Variants in RANBP2 observed in about 807,000 individuals in gnomAD.
RANBP2 encodes E3 SUMO-protein ligase RanBP2.
A neutral mutation model predicts 303.6 loss-of-function variants in RANBP2; 57 were observed. The ratio of observed to expected loss-of-function variants is 0.19; its 90% CI spans 0.15 to 0.23. RANBP2 has a LOEUF of 0.23. Ranked by LOEUF, RANBP2 falls within the 10% of genes least tolerant of loss-of-function variation. RANBP2 has a pLI of 1.00. For synonymous variants in RANBP2, 1,167 were observed against 1,301.5 expected, an observed-to-expected ratio of 0.90 and a Z score of 2.23; for missense variants, 3,138 against 3,780.8, an observed-to-expected ratio of 0.83 and a Z score of 4.46.
the RANBP2 span, among the ~76,000 whole-genome samples, chr2:109,465,218 A>G: frequency 6.6e-6 from 1 of 152,210 alleles, no homozygotes; most frequent in Admixed American, 6.5e-5. Context: ...TTATCCATTT[A>G]CTTACCAAAG....
chr2:109,101,136 G>C, the RANBP2 span, among the ~76,000 whole-genome samples: 1 of 152,160 alleles, frequency 6.6e-6, no homozygotes, highest in Non-Finnish European at 1.5e-5. Flanking sequence ...GGAGGCTGCA[G>C]GGAAGTGCAG....
chr2:109,125,258 T>C, the RANBP2 span, among the ~76,000 whole-genome samples: 1 of 152,206 alleles, frequency 6.6e-6, no homozygotes, highest in Non-Finnish European at 1.5e-5. Context: ...GGGGCAGCTT[T>C]TGACTAGCTG....
the RANBP2 span, among the ~76,000 whole-genome samples, chr2:109,115,741 T>C: frequency 6.6e-6 from 1 of 152,372 alleles, no homozygotes; most frequent in East Asian, 1.9e-4. Context: ...GTCTTTACAA[T>C]TTGGCATGAT....
At chr2:109,670,629 C>T in the RANBP2 span, among the ~76,000 whole-genome samples, 5 of 152,174 alleles carry the variant, frequency 3.3e-5, no homozygotes, top group Admixed American at 6.5e-5. Context: ...AGGCTGACCT[C>T]GTTCTGCTGC....
rs1425920795 is a variant in RANBP2, at chr2:108,770,098, G to A, written c.7850-1603G>A. ...TGCGTACAGTTTCTGTGAGCTCTAG[G>A]TTAGGAATCCCTGACCTAAGAATGA... On this transcript the variant is annotated intron_variant, in intron 20 of 28. Transcript: ENST00000283195. Among the ~76,000 whole-genome samples, 4 of 152,168 alleles carry A rather than the reference G, an allele frequency of 2.6e-5. No individual in the cohort carries two copies. In the East Asian group the frequency reaches 7.7e-4, roughly 29 times the overall value.
the RANBP2 span, among the ~76,000 whole-genome samples, chr2:108,851,414 G>A: frequency 6.6e-6 from 1 of 152,104 alleles, no homozygotes; most frequent in Non-Finnish European, 1.5e-5. Context: ...CAATTCTCCT[G>A]CCTCAGCCTC....
the RANBP2 span, among the ~76,000 whole-genome samples, chr2:109,448,943 G>A: frequency 2.9e-4 from 44 of 152,158 alleles, no homozygotes; most frequent in South Asian, 4.1e-4. Flanking sequence ...GTTTTGAGCC[G>A]TGGCAGGGCC....
chr2:109,572,131 T>G, the RANBP2 span, among the ~76,000 whole-genome samples: 3 of 152,102 alleles, frequency 2.0e-5, no homozygotes, highest in African/African-American at 7.2e-5. Flanking sequence ...GCTCCCCACC[T>G]CTTTTTTTTT....
chr2:108,852,945 T>C, the RANBP2 span, among the ~76,000 whole-genome samples: 1 of 152,166 alleles, frequency 6.6e-6, no homozygotes, highest in African/African-American at 2.4e-5. Context: ...AAATATAATG[T>C]GTCACTGAGA....
the RANBP2 span, among the ~76,000 whole-genome samples, chr2:109,738,030 T>C: frequency 6.6e-6 from 1 of 151,758 alleles, no homozygotes; most frequent in Non-Finnish European, 1.5e-5. Flanking sequence ...ATTCTGCAAG[T>C]TGACTCTTTA....
At chr2:109,590,276 G>A in the RANBP2 span, among the ~76,000 whole-genome samples, 1 of 151,824 alleles carries the variant, frequency 6.6e-6, no homozygotes, top group Non-Finnish European at 1.5e-5. Context: ...CGATGCCCCT[G>A]GTGCACACAA....
At chr2:109,267,398 C>T in the RANBP2 span, among the ~76,000 whole-genome samples, 47 of 152,138 alleles carry the variant, frequency 3.1e-4, no homozygotes, top group African/African-American at 1.1e-3. Flanking sequence ...GCTGAGCTTG[C>T]CCGAAGAAAG....
the RANBP2 span, among the ~76,000 whole-genome samples, chr2:109,530,956 AAT>A: frequency 6.6e-5 from 10 of 152,122 alleles, no homozygotes; most frequent in Non-Finnish European, 1.3e-4. Context: ...CGGGAAATGA[AAT>A]AGAGACTCTG....
At chr2:109,558,676 C>CCCAT in the RANBP2 span, among the ~76,000 whole-genome samples, 1 of 152,142 alleles carries the variant, frequency 6.6e-6, no homozygotes, top group South Asian at 2.1e-4. Flanking sequence ...ACTCAGCATA[C>CCCAT]CCATTCAATA....
chr2:109,201,609 G>A, the RANBP2 span, among the ~76,000 whole-genome samples: 3 of 152,144 alleles, frequency 2.0e-5, no homozygotes, highest in Admixed American at 2.0e-4. Flanking sequence ...GGACCATGCC[G>A]GGCCTCTCAC....
At chr2:109,301,705 G>A in the RANBP2 span, among the ~76,000 whole-genome samples, 1 of 152,220 alleles carries the variant, frequency 6.6e-6, no homozygotes, top group African/African-American at 2.4e-5. Context: ...GAGGAGAAAA[G>A]TGGTTTCTCA....
At chr2:109,615,698 A>G in the RANBP2 span, 3 of 1,613,944 alleles carry the variant, frequency 1.9e-6, no homozygotes, top group Non-Finnish European at 2.5e-6. Context: ...GTGACGGGGA[A>G]AGCGCCGCGG....
chr2:109,646,055 G>A, the RANBP2 span, among the ~76,000 whole-genome samples: 84 of 152,304 alleles, frequency 5.5e-4, no homozygotes, highest in African/African-American at 1.8e-3. Context: ...GGCTGGGGCC[G>A]GAATGCTGTC....
the RANBP2 span, among the ~76,000 whole-genome samples, chr2:109,414,912 G>A: frequency 3.3e-5 from 5 of 152,354 alleles, no homozygotes; most frequent in South Asian, 2.1e-4. Context: ...CCCAGAACCT[G>A]AGAATGTGTC....
Sources: gnomAD v4.1 joint callset for allele counts (sites outside exome capture counted in the v4.1 genomes callset) on GRCh38, gnomAD v4.1.1 for gene constraint, MANE v1.5 for transcripts, NCBI Gene and HGNC (gene_info 2026-07-23, HGNC 2026-07-21) for gene names.